Variants in ERC1 observed in about 807,000 individuals in gnomAD.
ERC1 encodes the protein ELKS/RAB6-interacting/CAST family member 1.
In ERC1, 56 loss-of-function variants were observed where a neutral mutation model predicts 132.0. The observed-to-expected ratio is 0.42, with a 90% confidence interval of 0.34 to 0.53. The LOEUF (loss-of-function observed/expected upper bound fraction) is 0.53. Among genes scored for constraint, ERC1 ranks in the 20% least tolerant of loss-of-function variants. ERC1 has a pLI of 0.03. For missense variants in ERC1, 1,202 were observed against 1,349.9 expected, an observed-to-expected ratio of 0.89 and a Z score of 1.72; for synonymous variants, 478 against 476.1, an observed-to-expected ratio of 1.00 and a Z score of -0.05.
intron 14 of ERC1, among the ~76,000 whole-genome samples, chr12:1,284,801 G>T (rs1204596280): frequency 6.6e-6 from 1 of 152,112 alleles, no homozygotes; most frequent in African/African-American, 2.4e-5. Flanking sequence ...GAGACTACAG[G>T]TGTGCACTAT....
intron 13 of ERC1, among the ~76,000 whole-genome samples, chr12:1,239,381 A>G (rs375728555): frequency 1.3e-5 from 2 of 152,198 alleles, no homozygotes; most frequent in South Asian, 4.1e-4. Context: ...AGAGATTGCA[A>G]TCTGGGTGTT....
At chr12:1,214,629 T>C (rs1449404752) in intron 12 of ERC1, among the ~76,000 whole-genome samples, 1 of 149,468 alleles carries the variant, frequency 6.7e-6, no homozygotes, top group African/African-American at 2.5e-5. Flanking sequence ...ATTTATATAT[T>C]AACATATAAA....
intron 15 of ERC1, among the ~76,000 whole-genome samples, chr12:1,352,897 G>T (rs2085148225): frequency 6.6e-6 from 1 of 152,132 alleles, no homozygotes; most frequent in African/African-American, 2.4e-5. Flanking sequence ...ACTACTTTAA[G>T]TTTGAGATGG....
intron 2 of ERC1, among the ~76,000 whole-genome samples, chr12:1,077,268 T>C (rs1331963925): frequency 6.6e-6 from 1 of 152,180 alleles, no homozygotes; most frequent in Non-Finnish European, 1.5e-5. Flanking sequence ...AGTTCTGTTA[T>C]TTTAGGAATG....
intron 12 of ERC1, among the ~76,000 whole-genome samples, chr12:1,197,246 G>T (rs1450781023): frequency 6.6e-6 from 1 of 152,102 alleles, no homozygotes; most frequent in Non-Finnish European, 1.5e-5. Flanking sequence ...CTCCCAAAGT[G>T]CTGGGGTTAC....
chr12:1,301,633 G>A (rs1405027549), intron 15 of ERC1, among the ~76,000 whole-genome samples: 1 of 152,120 alleles, frequency 6.6e-6, no homozygotes, highest in Admixed American at 6.5e-5. Context: ...ACCCATAGAG[G>A]GGAACAACAG....
intron 12 of ERC1, among the ~76,000 whole-genome samples, chr12:1,230,735 T>C (rs559999806): frequency 2.0e-5 from 3 of 152,310 alleles, no homozygotes; most frequent in Admixed American, 2.0e-4. Context: ...TGCTTTATAT[T>C]TTTAGGTGCT....
intron 12 of ERC1, among the ~76,000 whole-genome samples, chr12:1,196,893 TCTCTGTCTCTCTACAC>T: frequency 1.4e-5 from 2 of 144,566 alleles, no homozygotes; most frequent in South Asian, 4.5e-4. Context: ...TGTCTGTCTC[TCTCTGTCTCTCTACAC>T]ACACACACAC....
At chr12:1,401,545 C>T (rs1014515575) in intron 16 of ERC1, among the ~76,000 whole-genome samples, 2 of 152,092 alleles carry the variant, frequency 1.3e-5, no homozygotes, top group Non-Finnish European at 1.5e-5. Flanking sequence ...TATTAGAGCT[C>T]TAGCCCTGTG....
intron 2 of ERC1, among the ~76,000 whole-genome samples, chr12:1,040,089 A>G (rs964909426): frequency 6.6e-6 from 1 of 152,214 alleles, no homozygotes; most frequent in African/African-American, 2.4e-5. Context: ...TTAGTTAACA[A>G]CAAGTTTATT....
intron 15 of ERC1, among the ~76,000 whole-genome samples, chr12:1,321,442 G>A (rs1181937217): frequency 1.3e-5 from 2 of 152,166 alleles, no homozygotes; most frequent in Non-Finnish European, 2.9e-5. Context: ...ACTTGTCAAT[G>A]ATGCTTTTAT....
chr12:1,225,100 A>T (rs2074451174), intron 12 of ERC1, among the ~76,000 whole-genome samples: 1 of 147,974 alleles, frequency 6.8e-6, no homozygotes, highest in South Asian at 2.1e-4. Flanking sequence ...TACATTTGGG[A>T]TCATGCTCTG....
chr12:1,198,285 A>G (rs1220430982), intron 12 of ERC1, among the ~76,000 whole-genome samples: 2 of 152,178 alleles, frequency 1.3e-5, no homozygotes, highest in Non-Finnish European at 1.5e-5. Context: ...ATATTAAATG[A>G]TAGTAGCTTG....
At chr12:1,249,685 CTT>C (rs1022640865) in intron 13 of ERC1, among the ~76,000 whole-genome samples, 8 of 152,250 alleles carry the variant, frequency 5.3e-5, no homozygotes, top group Admixed American at 6.5e-5. Flanking sequence ...AGCCTGGTCT[CTT>C]AGTCTATTTG....
intron 2 of ERC1, among the ~76,000 whole-genome samples, chr12:1,044,315 C>G (rs536671470): frequency 1.6e-4 from 24 of 152,318 alleles, no homozygotes; most frequent in African/African-American, 5.8e-4. Flanking sequence ...GTGGAATTCT[C>G]TAAGAGTCTG....
chr12:1,034,731 G>C (rs375716524), intron 2 of ERC1, among the ~76,000 whole-genome samples: 1 of 152,178 alleles, frequency 6.6e-6, no homozygotes, highest in Non-Finnish European at 1.5e-5. Flanking sequence ...AGTTATTGGC[G>C]TACTTGTTCA....
intron 14 of ERC1, among the ~76,000 whole-genome samples, chr12:1,282,584 C>G (rs543026989): frequency 6.6e-6 from 1 of 152,240 alleles, no homozygotes; most frequent in Non-Finnish European, 1.5e-5. Flanking sequence ...GCCTAAAGCT[C>G]TCTTGGGAAA....
chr12:1,216,589 G>A (rs906581377), intron 12 of ERC1, among the ~76,000 whole-genome samples: 1 of 132,824 alleles, frequency 7.5e-6, no homozygotes, highest in Non-Finnish European at 1.6e-5. Flanking sequence ...CATTGACATA[G>A]CCTTGGTGGG....
chr12:1,293,281 G>A (rs1300405662), intron 15 of ERC1, among the ~76,000 whole-genome samples: 6 of 150,790 alleles, frequency 4.0e-5, no homozygotes, highest in South Asian at 2.1e-4. Flanking sequence ...GGTGAACCCC[G>A]TCTCTACTAA....
Sources: allele counts gnomAD v4.1 joint callset (sites outside exome capture counted in the v4.1 genomes callset), GRCh38; gene constraint gnomAD v4.1.1; transcripts MANE v1.5; gene names NCBI Gene and HGNC (gene_info 2026-07-23, HGNC 2026-07-21).